The following GSKIP variants were observed in gnomAD, a reference collection of about 807,000 sequenced individuals.
GSKIP encodes GSK3B-interacting protein.
A neutral mutation model predicts 11.9 loss-of-function variants in GSKIP; 5 were observed. That is an observed-to-expected ratio of 0.42 (90% confidence interval 0.22 to 0.89). The LOEUF is 0.89. Ranked by LOEUF, GSKIP falls within the 40% of genes least tolerant of loss-of-function variation. GSKIP has a pLI of 0.29. For missense variants in GSKIP, 150 were observed against 166.6 expected (o/e 0.90, Z 0.55); for synonymous variants, 70 against 62.9 (o/e 1.11, Z -0.54).
chr14:96,371,049 G>A (rs1346762863), intron 1 of GSKIP, among the ~76,000 whole-genome samples: 1 of 152,128 alleles, frequency 6.6e-6, no homozygotes, highest in African/African-American at 2.4e-5. Flanking sequence ...GAATTAAAAT[G>A]TTTTATTTCA....
intron 1 of GSKIP, chr14:96,363,995 T>C (rs1026626815): frequency 6.6e-6 from 1 of 152,330 alleles, no homozygotes; most frequent in African/African-American, 2.4e-5. Context: ...TCGCATACGC[T>C]CGCTTAATCC....
At chr14:96,379,335 G>T (rs1025595888) in intron 1 of GSKIP, among the ~76,000 whole-genome samples, 3 of 152,118 alleles carry the variant, frequency 2.0e-5, no homozygotes, top group Non-Finnish European at 4.4e-5. Flanking sequence ...AGAATTTCAT[G>T]TATTAATTAG....
intron 1 of GSKIP, among the ~76,000 whole-genome samples, chr14:96,370,089 C>CT (rs1889002774): frequency 6.6e-6 from 1 of 152,230 alleles, no homozygotes; most frequent in African/African-American, 2.4e-5. Flanking sequence ...AATGTCTGCC[C>CT]TGATGGGCTT....
In GSKIP at chr14:96,386,337, C is replaced by A. The variant is rs1046934756; in HGVS notation, c.*653C>A. 5 of 152,532 alleles carry A rather than the reference C, an allele frequency of 3.3e-5. No homozygotes were observed. The highest frequency in any genetic ancestry group is 7.4e-5 in the Non-Finnish European group (5 of 68,022). 9.4% of individuals were successfully genotyped at this position (152,532 alleles called of 1,614,324 possible). A position where few individuals can be genotyped will look rare whatever the true frequency, so the allele number is the denominator to read the frequency against. On this transcript the variant is annotated 3_prime_UTR_variant, in exon 4 of 4. Coordinates refer to ENST00000555181, the MANE Select transcript of GSKIP (RefSeq NM_016472.5). Reference sequence around the variant, plus strand: ...GCCAGCCAACTAAGCAGAGGATAAACCGTTAGCAAATGAATGTAATAATTA... The same window carrying A: ...GCCAGCCAACTAAGCAGAGGATAAAACGTTAGCAAATGAATGTAATAATTA...
At chr14:96,368,035 T>C (rs1299973879) in intron 1 of GSKIP, among the ~76,000 whole-genome samples, 1 of 152,212 alleles carries the variant, frequency 6.6e-6, no homozygotes, top group African/African-American at 2.4e-5. Context: ...CAAGTAATAC[T>C]TATTTCCTAG....
At chr14:96,383,967 C>T (rs1358701567) in intron 3 of GSKIP, among the ~76,000 whole-genome samples, 2 of 152,044 alleles carry the variant, frequency 1.3e-5, no homozygotes, top group Non-Finnish European at 2.9e-5. Flanking sequence ...AGAGAGTCAG[C>T]AGTCTTAAAT....
At chr14:96,385,480 C>T (rs1889464475) in intron 3 of GSKIP, 43 bp from the exon 4 acceptor site, 6 of 1,522,698 alleles carry the variant, frequency 3.9e-6, no homozygotes, top group African/African-American at 1.4e-5. Context: ...CTTTCTGTAC[C>T]AACATGAAAA....
intron 2 of GSKIP, among the ~76,000 whole-genome samples, chr14:96,381,827 T>G (rs1259027865): frequency 1.3e-5 from 2 of 152,194 alleles, no homozygotes; most frequent in African/African-American, 4.8e-5. Flanking sequence ...TTTTGAAGGG[T>G]AAATTGACAG....
chr14:96,382,822 T>C (rs1889385663), intron 3 of GSKIP, among the ~76,000 whole-genome samples: 1 of 152,218 alleles, frequency 6.6e-6, no homozygotes, highest in South Asian at 2.1e-4. Flanking sequence ...ATTCTTTGCA[T>C]TGAATGGGTT....
chr14:96,367,444 T>TA (rs1419851329), intron 1 of GSKIP, among the ~76,000 whole-genome samples: 1 of 152,164 alleles, frequency 6.6e-6, no homozygotes, highest in African/African-American at 2.4e-5. Context: ...ATGATTAAGA[T>TA]ATCGTATCCT....
intron 1 of GSKIP, among the ~76,000 whole-genome samples, chr14:96,366,925 A>G (rs1888902452): frequency 6.6e-6 from 1 of 152,074 alleles, no homozygotes; most frequent in African/African-American, 2.4e-5. Context: ...GATGTATTTG[A>G]CCTTTTTTAA....
At chr14:96,384,478 T>C (rs1329762469) in intron 3 of GSKIP, 1 of 152,208 alleles carries the variant, frequency 6.6e-6, no homozygotes, top group African/African-American at 2.4e-5. Flanking sequence ...ATTTAGGATT[T>C]ATATAGGGAA....
At chr14:96,383,315 G>A (rs1200526932) in intron 3 of GSKIP, among the ~76,000 whole-genome samples, 1 of 151,954 alleles carries the variant, frequency 6.6e-6, no homozygotes, top group African/African-American at 2.4e-5. Flanking sequence ...GGGAGGCTTA[G>A]GAGGGGGCCT....
intron 1 of GSKIP, chr14:96,364,255 G>A (rs771686517): frequency 2.0e-5 from 3 of 152,216 alleles, no homozygotes; most frequent in Admixed American, 6.5e-5. Flanking sequence ...CCAGAAGCCA[G>A]ATGTCCTTCG....
At chr14:96,382,600 G>A (rs1889378582) in intron 3 of GSKIP, 95 bp downstream of exon 3, 1 of 806,536 alleles carries the variant, frequency 1.2e-6, no homozygotes, top group Non-Finnish European at 1.8e-6. Flanking sequence ...TGTTAAAAGA[G>A]AACTGGATAT....
At chr14:96,382,121 A>G in intron 2 of GSKIP, 126 bp from the exon 3 acceptor site, 1 of 584,812 alleles carries the variant, frequency 1.7e-6, no homozygotes, top group Admixed American at 3.5e-5. Flanking sequence ...TATTTTTCCT[A>G]ACAATTGTTA....
chr14:96,380,835 T>C (rs888024316), intron 2 of GSKIP, among the ~76,000 whole-genome samples: 3 of 152,198 alleles, frequency 2.0e-5, no homozygotes, highest in Admixed American at 6.5e-5. Flanking sequence ...GAATAACCAC[T>C]GCACGCCAGC....
chr14:96,385,551 A>T lies in GSKIP; in HGVS notation c.287A>T (p.Asp96Val). The change falls in exon 4 of 4, where the codon GAT becomes GTT. Residue 96 changes from aspartate (D) to valine (V), a missense_variant. Transcript: ENST00000555181. ...KVVGYAFDQV[D>V]DHLQTPYHET... ...GTAGGCTATGCTTTTGACCAGGTAG[A>T]TGATCATTTACAGACTCCCTACCAT... The T allele has an allele frequency of 6.2e-7, 1 of 1,612,328 alleles. No homozygotes were observed. The highest frequency in any genetic ancestry group is 8.5e-7 in the Non-Finnish European group (1 of 1,179,184).
intron 1 of GSKIP, among the ~76,000 whole-genome samples, chr14:96,378,765 C>T (rs1889269156): frequency 6.6e-6 from 1 of 152,250 alleles, no homozygotes; most frequent in South Asian, 2.1e-4. Flanking sequence ...AAATCAATCA[C>T]TGCCTTTCAT....
Sources: allele counts gnomAD v4.1 joint callset (sites outside exome capture counted in the v4.1 genomes callset), GRCh38; gene constraint gnomAD v4.1.1; transcripts MANE v1.5; gene names NCBI Gene and HGNC (gene_info 2026-07-23, HGNC 2026-07-21).